B4GALNT1: variants seen among roughly 807,000 people sequenced by gnomAD.
B4GALNT1 encodes the protein beta-1,4-N-acetyl-galactosaminyltransferase 1.
In B4GALNT1, 43 loss-of-function variants were observed where a neutral mutation model predicts 55.2. The observed-to-expected ratio is 0.78, with a 90% CI of 0.61 to 1.00. The LOEUF (loss-of-function observed/expected upper bound fraction) is 1.00, where lower values mean the gene tolerates loss of function less well. Among genes scored for constraint, B4GALNT1 ranks in the 50% least tolerant of loss-of-function variants. The pLI, the probability that B4GALNT1 is intolerant of heterozygous loss-of-function variation, is 0.00. For missense variants in B4GALNT1, 664 were observed against 729.7 expected (o/e 0.91, Z 1.04); for synonymous variants, 305 against 311.6 (o/e 0.98, Z 0.22).
At position 57,627,774 on chromosome 12, in the gene B4GALNT1, C is replaced by A; in HGVS notation, c.1228G>T (p.Gly410Trp). ...LSVEPGAPGL[G>W]NCLRQRRGFH... ...CCGCGCCTTTGCCGGAGGCAGTTCC[C>A]GAGGCCTGGGGCGCCGGGCTCCACG... The change falls in exon 10 of 11, where the codon GGG becomes TGG. Residue 410 changes from glycine to tryptophan, a missense_variant. Transcript: ENST00000341156. The A allele has an allele frequency of 3.7e-6, 6 of 1,604,790 alleles. No individual in the cohort carries two copies. Among genetic ancestry groups the A allele is most frequent in the Non-Finnish European group, 5.1e-6 (6 of 1,175,482 alleles).
intron 8 of B4GALNT1, 152 bp from the exon 9 acceptor site, chr12:57,628,414 C>T: frequency 1.8e-6 from 2 of 1,138,564 alleles, no homozygotes; most frequent in Non-Finnish European, 2.4e-6. Context: ...AAAAGAAATG[C>T]AGATCCCCAC....
rs202110913 is a variant in B4GALNT1 at position 57,628,866 on chromosome 12, G to A, written c.849C>T (p.Thr283=). Residue 283 remains threonine, a synonymous_variant, in exon 8 of 11, where the codon ACC becomes ACT. Coordinates refer to ENST00000341156, the MANE Select transcript of B4GALNT1 (RefSeq NM_001478.5). The stretch of plus-strand genomic sequence containing the variant: ...GCCGATCATAACGGAGGAAGGTCTT[G>A]GTGGCAATCGTGACTAGAGCGCTGA... ...YNISALVTIA[T]KTFLRYDRLR... The A allele has an allele frequency of 1.5e-5, 24 of 1,614,254 alleles. No homozygotes were observed. Among genetic ancestry groups the A allele is most frequent in the Middle Eastern group, 1.6e-4 (1 of 6,062 alleles).
intron 4 of B4GALNT1, 127 bp from the exon 5 acceptor site, chr12:57,630,645 A>G: frequency 3.5e-6 from 4 of 1,131,874 alleles, no homozygotes; most frequent in Non-Finnish European, 5.0e-6. Flanking sequence ...AGGCCTCAGC[A>G]GGGCACACTG....
At chr12:57,629,379 T>C (rs1885054032) in intron 6 of B4GALNT1, 1 of 409,848 alleles carries the variant, frequency 2.4e-6, no homozygotes, top group Non-Finnish European at 4.3e-6. Flanking sequence ...GCCAGACCCG[T>C]TAAAAAATTA....
chr12:57,631,081 TG>T lies in B4GALNT1; in HGVS notation c.388del (p.Gln130SerfsTer9). On this transcript the variant is annotated frameshift_variant, in exon 4 of 11. Transcript: ENST00000341156. LOFTEE classifies it high-confidence loss of function. ...QEFQAFLSRS[Q>X]SPADQLLIAP... is the part of the protein sequence containing the mutation. Reference sequence around the variant, plus strand: ...TATGAGCAGCTGGTCAGCTGGGGACTGGCTCCTGGCAGTGGAGGAAGGAGAG... The same window carrying T: ...TATGAGCAGCTGGTCAGCTGGGGACTGCTCCTGGCAGTGGAGGAAGGAGAG... 1 of 1,611,262 alleles carries T rather than the reference TG, an allele frequency of 6.2e-7. No individual in the cohort carries two copies. Among genetic ancestry groups the T allele is most frequent in the Non-Finnish European group, 8.5e-7 (1 of 1,178,768 alleles).
At chr12:57,630,930 C>G (rs1885159835) in intron 4 of B4GALNT1, 50 bp downstream of exon 4, 1 of 1,547,770 alleles carries the variant, frequency 6.5e-7, no homozygotes, top group Non-Finnish European at 8.9e-7. Context: ...ACCTTGGGCT[C>G]TGCCACCCCC....
chr12:57,626,620 G>C lies in B4GALNT1; in HGVS notation c.*124C>G. ...GGGCATCAGGTTCTGAAAAGGAAGA[G>C]TGAGGAACTAGAGGCTCAGGGACAG... On this transcript the variant is annotated 3_prime_UTR_variant, in exon 11 of 11. Transcript: ENST00000341156. 8.8e-7 allele frequency: 1 copy of C among 1,130,542 alleles called. No homozygotes were observed. The highest frequency in any genetic ancestry group is 1.3e-6 in the Non-Finnish European group (1 of 768,940). 70.0% of individuals were successfully genotyped at this position (1,130,542 alleles called of 1,614,324 possible).
rs143502822 is a variant in B4GALNT1, at chr12:57,631,828, G to A, written c.218+87C>T. ...CCACACAGCCCGTTAGGAGAATGCA[G>A]GCATCTGAGCCCAGCAGTGGAGAAA... On this transcript the variant is annotated intron_variant, in intron 2 of 10. Transcript: ENST00000341156. 684 of 1,236,782 alleles carry A rather than the reference G, an allele frequency of 5.5e-4. 5 individuals are homozygous for A. The African/African-American group carries it at 9.1e-3, about 16-fold the overall frequency. The allele number at this position is 1,236,782 out of a possible 1,614,324, so 76.6% of individuals were successfully genotyped here.
Position 57,631,919 on chromosome 12 carries a change from C to T in B4GALNT1, c.214G>A (p.Val72Met), listed in dbSNP as rs1263895133. The T allele has an allele frequency of 2.7e-5, 38 of 1,421,274 alleles. No individual in the cohort carries two copies. Among genetic ancestry groups the T allele is most frequent in the Non-Finnish European group, 3.4e-5 (37 of 1,087,610 alleles). 88.0% of individuals were successfully genotyped at this position (1,421,274 alleles called of 1,614,324 possible). Residue 72 changes from valine (V) to methionine (M), a missense_variant, in exon 2 of 11, where the codon GTG becomes ATG. Transcript: ENST00000341156. ...GCCGCCGCGGTCGGCACTCACCCCA[C>T]TACTTGCTCCTTGATCCTGACCGGG... ...HIPVRIKEQV[V>M]GLLAWNNCSC... is the part of the protein sequence containing the mutation.
chr12:57,623,766 G>A lies in B4GALNT1; in HGVS notation c.*2978C>T. 7.3e-7 allele frequency: 1 copy of A among 1,371,870 alleles called. No individual in the cohort carries two copies. The highest frequency in any genetic ancestry group is 1.0e-6 in the Non-Finnish European group (1 of 983,876). 85.0% of individuals were successfully genotyped at this position (1,371,870 alleles called of 1,614,324 possible). ...CGAGGAAGATTAGGCAGAGTGGGCA[G>A]GAAGACCAGCTCTCATGTGGGGGTG... On this transcript the variant is annotated 3_prime_UTR_variant, in exon 11 of 11. Transcript: ENST00000341156.
rs2258877 is a variant in B4GALNT1 at position 57,632,238 on chromosome 12, A to G, written c.-1-105T>C. On this transcript the variant is annotated intron_variant, in intron 1 of 10. Transcript: ENST00000341156. ...TCAGAGGCTCCTGCCGGCTCCCAAG[A>G]GCGCTCTCCACTCCACACATCGCGC... The G allele has an allele frequency of 0.23, 258,122 of 1,121,664 alleles. 30,925 individuals are homozygous for G. Among genetic ancestry groups the G allele is most frequent in the African/African-American group, 0.33 (21,408 of 64,698 alleles). 69.5% of individuals were successfully genotyped at this position (1,121,664 alleles called of 1,614,324 possible). A position where few individuals can be genotyped will look rare whatever the true frequency, so the allele number is the denominator to read the frequency against.
rs771293936 is a variant in B4GALNT1, at chr12:57,627,847, C to A, written c.1155G>T (p.Ala385=). Residue 385 remains alanine (A), a synonymous_variant, in exon 10 of 11, where the codon GCG becomes GCT. Coordinates refer to ENST00000341156, the MANE Select transcript of B4GALNT1 (RefSeq NM_001478.5). ...ERTPLDLVGG[A]VREISGFATT... Reference sequence around the variant, plus strand: ...TGGCAAAGCCGGAGATCTCGCGCACCGCGCCCCCCACCTGCAGGGAGAGGG... The same window carrying A: ...TGGCAAAGCCGGAGATCTCGCGCACAGCGCCCCCCACCTGCAGGGAGAGGG... 2 of 1,583,528 alleles carry A rather than the reference C, an allele frequency of 1.3e-6. No individual in the cohort carries two copies. The highest frequency in any genetic ancestry group is 2.3e-5 in the South Asian group (2 of 88,360).
Position 57,624,277 on chromosome 12 carries a change from C to T in B4GALNT1, c.*2467G>A. On this transcript the variant is annotated 3_prime_UTR_variant, in exon 11 of 11. Transcript: ENST00000341156. ...AAGGGAAAGGATGGGGTTTGAACCC[C>T]TTTGGCCTGAATATTTGTAACTTCC... 1 of 656,920 alleles carries T rather than the reference C, an allele frequency of 1.5e-6. No homozygotes were observed. Among genetic ancestry groups the T allele is most frequent in the Middle Eastern group, 2.6e-4 (1 of 3,902 alleles). The allele number at this position is 656,920 out of a possible 1,614,324, so 40.7% of individuals were successfully genotyped here.
At position 57,628,718 on chromosome 12, in the gene B4GALNT1, C is replaced by G. The variant is rs138721508; in HGVS notation, c.997G>C (p.Gly333Arg). 1 of 1,614,036 alleles carries G rather than the reference C, an allele frequency of 6.2e-7. No individual in the cohort carries two copies. The highest frequency in any genetic ancestry group is 8.5e-7 in the Non-Finnish European group (1 of 1,180,062). ...PYVEHYLMPF[G>R]KGWFAGRNLA... ...TCAGCCTGCTAGCTGCACACCTTGC[C>G]GAAGGGCATGAGATAGTGTTCCACG... Residue 333 changes from glycine to arginine, a missense_variant, in exon 8 of 11, where the codon GGC (glycine) becomes CGC (arginine). Gly to Arg is a moderately radical substitution (Grantham distance 125). Coordinates refer to ENST00000341156, the MANE Select transcript of B4GALNT1 (RefSeq NM_001478.5).
At position 57,625,650 on chromosome 12, in the gene B4GALNT1, AG is replaced by A; in HGVS notation, c.*1093del. 1 of 1,592,110 alleles carries A rather than the reference AG, an allele frequency of 6.3e-7. No homozygotes were observed. The highest frequency in any genetic ancestry group is 1.2e-5 in the South Asian group (1 of 86,696). On this transcript the variant is annotated 3_prime_UTR_variant, in exon 11 of 11. Coordinates refer to ENST00000341156, the MANE Select transcript of B4GALNT1 (RefSeq NM_001478.5). ...GGTGACTCCAGATCAGCTGTTTGTG[AG>A]TGTGCAGGATGCAGCTGCTTATGCC...
chr12:57,628,351 G>A, intron 8 of B4GALNT1, 89 bp from the exon 9 acceptor site: 2 of 1,568,714 alleles, frequency 1.3e-6, no homozygotes, highest in Non-Finnish European at 1.7e-6. Flanking sequence ...ACCCTTCTCA[G>A]CTTGTATTCT....
At position 57,631,908 on chromosome 12, in the gene B4GALNT1, C is replaced by A; in HGVS notation, c.218+7G>T. 1 of 1,400,336 alleles carries A rather than the reference C, an allele frequency of 7.1e-7. No individual in the cohort carries two copies. Among genetic ancestry groups the A allele is most frequent in the Non-Finnish European group, 9.3e-7 (1 of 1,077,096 alleles). 86.7% of individuals were successfully genotyped at this position (1,400,336 alleles called of 1,614,324 possible). A position where few individuals can be genotyped will look rare whatever the true frequency, so the allele number is the denominator to read the frequency against. ...CGCTGCGCTGCGCCGCCGCGGTCGG[C>A]ACTCACCCCACTACTTGCTCCTTGA... On this transcript the variant is annotated splice_region_variant and intron_variant, in intron 2 of 10. Coordinates refer to ENST00000341156, the MANE Select transcript of B4GALNT1 (RefSeq NM_001478.5).
In B4GALNT1 at chr12:57,625,461, A is replaced by C; in HGVS notation, c.*1283T>G. On this transcript the variant is annotated 3_prime_UTR_variant, in exon 11 of 11. Transcript: ENST00000341156. ...GATCCGCCTCCTCCTGGCTCAGTGTAATGGTGAGATGTGTGGAGAAGAGCG... is the reference window on the plus strand; with the variant it reads ...GATCCGCCTCCTCCTGGCTCAGTGTCATGGTGAGATGTGTGGAGAAGAGCG... 1 of 1,614,118 alleles carries C rather than the reference A, an allele frequency of 6.2e-7. No individual in the cohort carries two copies. The highest frequency in any genetic ancestry group is 8.5e-7 in the Non-Finnish European group (1 of 1,180,022).
In B4GALNT1 at chr12:57,632,126, G is replaced by A. The variant is rs760450496; in HGVS notation, c.7C>T (p.Leu3=). Reference sequence around the variant, plus strand: ...AGAGCGCACAGGGCCCGGCGGCCCAGCCACATCCTAGGTGGGGGTAGGGTG... The same window carrying A: ...AGAGCGCACAGGGCCCGGCGGCCCAACCACATCCTAGGTGGGGGTAGGGTG... The part of the protein sequence containing the change: MW[L]GRRALCALVL... The change falls in exon 2 of 11, where the codon CTG becomes TTG. Residue 3 remains leucine, a synonymous_variant. Transcript: ENST00000341156. 12 of 1,521,538 alleles carry A rather than the reference G, an allele frequency of 7.9e-6. No homozygotes were observed. Among genetic ancestry groups the A allele is most frequent in the Middle Eastern group, 1.7e-4 (1 of 5,818 alleles). 94.3% of individuals were successfully genotyped at this position (1,521,538 alleles called of 1,614,324 possible).
Sources: allele counts gnomAD v4.1 joint callset, GRCh38; gene constraint gnomAD v4.1.1; transcripts MANE v1.5; gene names NCBI Gene and HGNC (gene_info 2026-07-23, HGNC 2026-07-21).